Variants in ITPR2 observed in about 807,000 individuals in gnomAD.
ITPR2 encodes inositol 1,4,5-trisphosphate-gated calcium channel ITPR2.
A neutral mutation model predicts 317.1 loss-of-function variants in ITPR2; 207 were observed. The observed-to-expected ratio is 0.65, with a 90% CI of 0.58 to 0.73. The LOEUF (loss-of-function observed/expected upper bound fraction) is 0.73, where lower values mean the gene tolerates loss of function less well. Ranked by LOEUF, ITPR2 falls within the 30% of genes least tolerant of loss-of-function variation. The pLI, the probability that ITPR2 is intolerant of heterozygous loss-of-function variation, is 0.00. For synonymous variants in ITPR2, 1,156 were observed against 1,149.1 expected (o/e 1.01, Z -0.12); for missense variants, 2,613 against 3,284.0 (o/e 0.80, Z 4.99).
At chr12:26,592,409 C>T (rs897471119) in intron 32 of ITPR2, among the ~76,000 whole-genome samples, 1 of 152,134 alleles carries the variant, frequency 6.6e-6, no homozygotes, top group Non-Finnish European at 1.5e-5. Flanking sequence ...AGAAATATAA[C>T]TGGATTGTTT....
chr12:26,393,471 T>C (rs1939907362), intron 54 of ITPR2, among the ~76,000 whole-genome samples: 1 of 151,138 alleles, frequency 6.6e-6, no homozygotes, highest in Admixed American at 6.6e-5. Flanking sequence ...CAAGGTCCTT[T>C]AAGGGAAGGG....
chr12:26,361,512 G>A (rs1191137597), intron 55 of ITPR2, among the ~76,000 whole-genome samples: 2 of 151,992 alleles, frequency 1.3e-5, no homozygotes, highest in African/African-American at 4.8e-5. Context: ...AATCCAGCTT[G>A]TATTGGTTTA....
intron 52 of ITPR2, among the ~76,000 whole-genome samples, chr12:26,402,498 C>A (rs1295097599): frequency 6.6e-6 from 1 of 152,208 alleles, no homozygotes; most frequent in Non-Finnish European, 1.5e-5. Flanking sequence ...TGTTCTCTAA[C>A]AGGTGAGCTC....
chr12:26,768,177 T>C (rs1183565544), intron 2 of ITPR2, among the ~76,000 whole-genome samples: 5 of 149,318 alleles, frequency 3.3e-5, no homozygotes, highest in African/African-American at 7.4e-5. Context: ...ACATGTTACA[T>C]GGCACATACC....
chr12:26,750,816 T>C (rs61920185), intron 2 of ITPR2, among the ~76,000 whole-genome samples: 230 of 152,096 alleles, frequency 1.5e-3, no homozygotes, highest in Non-Finnish European at 2.6e-3. Context: ...AAAGAGAAAC[T>C]CACCAAAGGG....
At chr12:26,574,071 A>G (rs1274344886) in intron 34 of ITPR2, among the ~76,000 whole-genome samples, 2 of 152,220 alleles carry the variant, frequency 1.3e-5, no homozygotes, top group East Asian at 3.8e-4. Context: ...GTTTAATGAG[A>G]GTAAACAAAA....
At chr12:26,540,079 AACTGGAGAGAAATCCAGT>A (rs1030582562) in intron 37 of ITPR2, among the ~76,000 whole-genome samples, 2 of 152,304 alleles carry the variant, frequency 1.3e-5, no homozygotes, top group Admixed American at 6.5e-5. Flanking sequence ...GGTGGGCTGG[AACTGGAGAGAAATCCAGT>A]ACTCTACCCT....
At chr12:26,477,261 G>A (rs1463955912) in intron 43 of ITPR2, among the ~76,000 whole-genome samples, 1 of 151,962 alleles carries the variant, frequency 6.6e-6, no homozygotes, top group Admixed American at 6.6e-5. Flanking sequence ...TACTTCAAAT[G>A]CAAAAGTGAC....
chr12:26,742,727 T>C (rs1443246915), intron 2 of ITPR2, among the ~76,000 whole-genome samples: 1 of 149,508 alleles, frequency 6.7e-6, no homozygotes, highest in East Asian at 2.0e-4. Context: ...GTCAGGAGAA[T>C]CCCTTGAACC....
chr12:26,352,791 G>A (rs911045795), intron 55 of ITPR2, among the ~76,000 whole-genome samples: 13 of 152,284 alleles, frequency 8.5e-5, no homozygotes, highest in Admixed American at 8.5e-4. Context: ...TGGATTATTA[G>A]GCCAAAATCC....
rs556510671 is a variant in ITPR2, at chr12:26,394,349, A to T, written c.7696+4527T>A. 8.5e-5 allele frequency among the ~76,000 whole-genome samples: 13 copies of T among 152,360 alleles called. 1 individual carries two copies. The highest frequency in any genetic ancestry group is 3.9e-4 in the East Asian group (2 of 5,192). Reference sequence around the variant, plus strand: ...AACAGAAATATGTACAGTGCTATATAGCTAAGTGTGATGTGAGGAATTTAG... The same window carrying T: ...AACAGAAATATGTACAGTGCTATATTGCTAAGTGTGATGTGAGGAATTTAG... On this transcript the variant is annotated intron_variant, in intron 54 of 56. Transcript: ENST00000381340.
chr12:26,647,673 G>C (rs1432269637), intron 21 of ITPR2, among the ~76,000 whole-genome samples: 4 of 152,188 alleles, frequency 2.6e-5, no homozygotes, highest in African/African-American at 7.2e-5. Flanking sequence ...AAATCACTGA[G>C]AGCAAATCGT....
At chr12:26,790,631 A>G (rs1423289672) in intron 1 of ITPR2, among the ~76,000 whole-genome samples, 1 of 149,124 alleles carries the variant, frequency 6.7e-6, no homozygotes, top group Non-Finnish European at 1.5e-5. Context: ...CTACACATAC[A>G]TATATAAGGA....
intron 2 of ITPR2, among the ~76,000 whole-genome samples, chr12:26,753,427 G>A (rs1949463134): frequency 6.6e-6 from 1 of 152,106 alleles, no homozygotes; most frequent in Non-Finnish European, 1.5e-5. Flanking sequence ...ACCCTAAAAG[G>A]GGAAACTTGA....
chr12:26,666,843 C>T (rs1592014790), intron 13 of ITPR2, among the ~76,000 whole-genome samples: 1 of 152,186 alleles, frequency 6.6e-6, no homozygotes, highest in Non-Finnish European at 1.5e-5. Context: ...TTCTCCTCCT[C>T]CTTCCTCTGC....
At chr12:26,356,038 C>T (rs2136567788) in intron 55 of ITPR2, among the ~76,000 whole-genome samples, 1 of 152,314 alleles carries the variant, frequency 6.6e-6, no homozygotes, top group Non-Finnish European at 1.5e-5. Context: ...GAATTGAGTA[C>T]AGACCAATAT....
At chr12:26,640,318 A>G (rs1946955631) in intron 21 of ITPR2, among the ~76,000 whole-genome samples, 1 of 152,174 alleles carries the variant, frequency 6.6e-6, no homozygotes, top group Admixed American at 6.6e-5. Context: ...GCACATGTTT[A>G]CCTATGTAAC....
chr12:26,426,235 T>C (rs1941058339), intron 49 of ITPR2, among the ~76,000 whole-genome samples: 1 of 152,178 alleles, frequency 6.6e-6, no homozygotes, highest in Non-Finnish European at 1.5e-5. Context: ...CAGTTACCAG[T>C]TTATAAATAT....
At chr12:26,646,910 C>T (rs1464618426) in intron 21 of ITPR2, among the ~76,000 whole-genome samples, 1 of 152,062 alleles carries the variant, frequency 6.6e-6, no homozygotes, top group African/African-American at 2.4e-5. Context: ...ATGGAAACTC[C>T]CAAGAATTTG....
Sources: allele counts gnomAD v4.1 joint callset (sites outside exome capture counted in the v4.1 genomes callset), GRCh38; gene constraint gnomAD v4.1.1; transcripts MANE v1.5; gene names NCBI Gene and HGNC (gene_info 2026-07-23, HGNC 2026-07-21).